PARVA: variants seen among roughly 807,000 people sequenced by gnomAD.
PARVA encodes the protein parvin alpha, also known as alpha-parvin.
Under a neutral mutation model 52.6 loss-of-function variants are expected in PARVA, and 25 were observed. The observed-to-expected ratio is 0.48, with a 90% confidence interval of 0.35 to 0.66. PARVA has a LOEUF of 0.66. Ranked by LOEUF, PARVA falls within the 30% of genes least tolerant of loss-of-function variation. The pLI, the probability that PARVA is intolerant of heterozygous loss-of-function variation, is 0.01. For synonymous variants in PARVA, 185 were observed against 179.1 expected, an observed-to-expected ratio of 1.03 and a Z score of -0.26; for missense variants, 373 against 450.9, an observed-to-expected ratio of 0.83 and a Z score of 1.56.
At chr11:12,423,383 G>T (rs1217974586) in intron 1 of PARVA, among the ~76,000 whole-genome samples, 1 of 144,060 alleles carries the variant, frequency 6.9e-6, no homozygotes, top group Non-Finnish European at 1.5e-5. Context: ...TAGAGACAGG[G>T]TTTTGCCATG....
At chr11:12,405,101 C>T (rs1038302622) in intron 1 of PARVA, among the ~76,000 whole-genome samples, 1 of 152,092 alleles carries the variant, frequency 6.6e-6, no homozygotes, top group Non-Finnish European at 1.5e-5. Flanking sequence ...ACCCATCTAA[C>T]AGGTTTTTCA....
chr11:12,513,693 G>T, intron 9 of PARVA: 1 of 583,092 alleles, frequency 1.7e-6, no homozygotes, highest in Non-Finnish European at 3.1e-6. Flanking sequence ...AGATCCAGTG[G>T]AATCATTTTA....
At chr11:12,470,000 A>G (rs1940912034) in intron 1 of PARVA, among the ~76,000 whole-genome samples, 1 of 152,244 alleles carries the variant, frequency 6.6e-6, no homozygotes, top group South Asian at 2.1e-4. Context: ...CACTTTGGCT[A>G]TACAACAAGT....
At position 12,388,656 on chromosome 11, in the gene PARVA, G is replaced by A. The variant is rs183425070; in HGVS notation, c.136+10873G>A. Among the ~76,000 whole-genome samples, 487 of 151,842 alleles carry A rather than the reference G, an allele frequency of 3.2e-3. 1 individual carries two copies. Among genetic ancestry groups the A allele is most frequent in the African/African-American group, 8.8e-3 (366 of 41,430 alleles). Reference sequence around the variant, plus strand: ...GCTCCCAAAGGCAATTGCTATTAGCGTTTTGCTTCATTTCTTTCTATTCTT... The same window carrying A: ...GCTCCCAAAGGCAATTGCTATTAGCATTTTGCTTCATTTCTTTCTATTCTT... On this transcript the variant is annotated intron_variant, in intron 1 of 12. Transcript: ENST00000334956.
At chr11:12,485,801 G>A (rs1046159698) in intron 4 of PARVA, among the ~76,000 whole-genome samples, 2 of 152,154 alleles carry the variant, frequency 1.3e-5, no homozygotes, top group Admixed American at 6.5e-5. Context: ...GTGGGGACAG[G>A]GTAGGGGGAG....
intron 5 of PARVA, among the ~76,000 whole-genome samples, chr11:12,503,957 T>A (rs1414020323): frequency 6.6e-6 from 1 of 152,150 alleles, no homozygotes; most frequent in Non-Finnish European, 1.5e-5. Context: ...CTTTTACTCA[T>A]GGCAGGAGGC....
chr11:12,516,626 T>C (rs191776443), intron 10 of PARVA, among the ~76,000 whole-genome samples: 14 of 152,324 alleles, frequency 9.2e-5, no homozygotes, highest in African/African-American at 2.6e-4. Context: ...CCTCAGCACA[T>C]AGTTCTGCTT....
At chr11:12,507,541 G>A (rs1346222) in intron 6 of PARVA, among the ~76,000 whole-genome samples, 4,489 of 152,186 alleles carry the variant, frequency 0.029, 214 homozygotes, top group African/African-American at 0.096. Flanking sequence ...ACATTTGTGC[G>A]TCCTGCCTCT....
intron 4 of PARVA, chr11:12,478,222 A>C: frequency 4.0e-6 from 2 of 499,404 alleles, no homozygotes; most frequent in Admixed American, 6.0e-5. Context: ...ACCCCACTGT[A>C]TATTAATAAC....
chr11:12,501,079 A>G (rs557963391), intron 5 of PARVA, among the ~76,000 whole-genome samples: 1 of 150,362 alleles, frequency 6.7e-6, no homozygotes, highest in Non-Finnish European at 1.5e-5. Context: ...TTGCACTCCA[A>G]CCTGGGCGAC....
chr11:12,498,819 G>A (rs1223509855), intron 5 of PARVA, among the ~76,000 whole-genome samples: 11 of 152,068 alleles, frequency 7.2e-5, no homozygotes, highest in African/African-American at 2.4e-4. Context: ...TGATCCACCC[G>A]CCTTGGCCTC....
chr11:12,512,729 G>A (rs1462836970), intron 8 of PARVA, among the ~76,000 whole-genome samples: 1 of 152,190 alleles, frequency 6.6e-6, no homozygotes, highest in Non-Finnish European at 1.5e-5. Flanking sequence ...TGACAAACCT[G>A]AGGGAGGGTT....
chr11:12,432,832 T>G (rs935079539), intron 1 of PARVA, among the ~76,000 whole-genome samples: 5 of 152,210 alleles, frequency 3.3e-5, no homozygotes, highest in African/African-American at 1.2e-4. Context: ...ACCTGTTTTC[T>G]ATCATGACCT....
chr11:12,385,113 T>A (rs7103686), intron 1 of PARVA, among the ~76,000 whole-genome samples: 8,399 of 152,060 alleles, frequency 0.055, 726 homozygotes, highest in African/African-American at 0.19. Flanking sequence ...AAGTGGGTGG[T>A]TTGCTTGAGC....
At chr11:12,420,099 TAAAG>T (rs1417503226) in intron 1 of PARVA, among the ~76,000 whole-genome samples, 1 of 152,086 alleles carries the variant, frequency 6.6e-6, no homozygotes, top group Non-Finnish European at 1.5e-5. Context: ...TTTCCACTAA[TAAAG>T]AAAACTAAGG....
At chr11:12,445,758 A>T (rs10831822) in intron 1 of PARVA, among the ~76,000 whole-genome samples, 44,365 of 151,760 alleles carry the variant, frequency 0.29, 7,012 homozygotes, top group Non-Finnish European at 0.35. Flanking sequence ...GGCTCCATAC[A>T]TATGGGGGCC....
At chr11:12,468,403 G>A (rs1940884511) in intron 1 of PARVA, among the ~76,000 whole-genome samples, 1 of 152,162 alleles carries the variant, frequency 6.6e-6, no homozygotes, top group Admixed American at 6.5e-5. Flanking sequence ...TTTTCCCCTG[G>A]TATTCTTTGA....
chr11:12,378,019 C>T (rs2134937163), intron 1 of PARVA, among the ~76,000 whole-genome samples: 1 of 149,176 alleles, frequency 6.7e-6, no homozygotes, highest in South Asian at 2.1e-4. Context: ...GTCGCCCGGG[C>T]GCTGCCCTCC....
At chr11:12,491,548 T>C (rs1941234082) in intron 4 of PARVA, among the ~76,000 whole-genome samples, 1 of 152,192 alleles carries the variant, frequency 6.6e-6, no homozygotes, top group Non-Finnish European at 1.5e-5. Flanking sequence ...GGACTAATTT[T>C]TTTAAAGCTG....
Sources: allele counts gnomAD v4.1 joint callset (sites outside exome capture counted in the v4.1 genomes callset), GRCh38; gene constraint gnomAD v4.1.1; transcripts MANE v1.5; gene names NCBI Gene and HGNC (gene_info 2026-07-23, HGNC 2026-07-21).